The following ASPH variants were observed in gnomAD, a reference collection of about 807,000 sequenced individuals.
ASPH encodes the protein aspartate beta-hydroxylase.
Under a neutral mutation model 118.4 loss-of-function variants are expected in ASPH, and 100 were observed. That is an observed-to-expected ratio of 0.84 (90% CI 0.72 to 1.00). The LOEUF (loss-of-function observed/expected upper bound fraction) is 1.00. ASPH is among the 50% of genes least tolerant of loss of function. The pLI, the probability that ASPH is intolerant of heterozygous loss-of-function variation, is 0.00. For synonymous variants in ASPH, 315 were observed against 325.6 expected, an observed-to-expected ratio of 0.97 and a Z score of 0.35; for missense variants, 920 against 919.5, an observed-to-expected ratio of 1.00 and a Z score of -0.01.
intron 16 of ASPH, among the ~76,000 whole-genome samples, chr8:61,568,374 TG>T (rs1832457669): frequency 6.6e-6 from 1 of 151,890 alleles, no homozygotes; most frequent in African/African-American, 2.4e-5. Flanking sequence ...ATGTAGGGTG[TG>T]AGAAAGGGGG....
At chr8:61,569,144 C>T (rs1832715559) in intron 16 of ASPH, among the ~76,000 whole-genome samples, 1 of 152,096 alleles carries the variant, frequency 6.6e-6, no homozygotes, top group Non-Finnish European at 1.5e-5. Context: ...AAAGTAGCAG[C>T]ATCAGGTGGA....
rs548393585 is a variant in ASPH at position 61,505,960 on chromosome 8, C to T, written c.2127-2451G>A. Among the ~76,000 whole-genome samples, 54 of 152,162 alleles carry T rather than the reference C, an allele frequency of 3.5e-4. No homozygotes were observed. In the South Asian group the frequency reaches 5.2e-3, roughly 15 times the overall value. On this transcript the variant is annotated intron_variant, in intron 24 of 24. Coordinates refer to ENST00000379454, the MANE Select transcript of ASPH (RefSeq NM_004318.4). ...AAGCAATGTCAGTGGGTACCACAAACGAGCCTATAATTTATGTAGAAGATG... is the reference window on the plus strand; with the variant it reads ...AAGCAATGTCAGTGGGTACCACAAATGAGCCTATAATTTATGTAGAAGATG...
chr8:61,664,582 G>A, intron 3 of ASPH: 1 of 986,550 alleles, frequency 1.0e-6, no homozygotes, highest in Non-Finnish European at 1.2e-6. Context: ...GGAGTGAGAA[G>A]CATGCAGGAG....
At chr8:61,565,393 T>C (rs2350618) in intron 17 of ASPH, among the ~76,000 whole-genome samples, 122,971 of 152,098 alleles carry the variant, frequency 0.81, 50,071 homozygotes, top group Non-Finnish European at 0.85. Flanking sequence ...AAGAATTTGG[T>C]ATCACAGGAA....
At chr8:61,610,285 A>T (rs1205163920) in intron 14 of ASPH, among the ~76,000 whole-genome samples, 1 of 152,234 alleles carries the variant, frequency 6.6e-6, no homozygotes, top group Non-Finnish European at 1.5e-5. Context: ...GGTGTCCTAA[A>T]TTATCACATG....
chr8:61,609,758 T>A (rs921509238), intron 14 of ASPH, among the ~76,000 whole-genome samples: 2 of 152,158 alleles, frequency 1.3e-5, no homozygotes, highest in African/African-American at 2.4e-5. Context: ...AAAAGTGCTA[T>A]GGGGAAGAGG....
intron 3 of ASPH, chr8:61,661,824 C>A: frequency 2.6e-6 from 1 of 390,638 alleles, no homozygotes; most frequent in South Asian, 1.1e-4. Flanking sequence ...CTTAAGTAGT[C>A]CTCTGGATTA....
chr8:61,619,920 C>A (rs534725465), intron 13 of ASPH, among the ~76,000 whole-genome samples: 3 of 152,252 alleles, frequency 2.0e-5, no homozygotes, highest in South Asian at 2.1e-4. Flanking sequence ...TGATAAAAAA[C>A]CAGACTCTGT....
Position 61,583,508 on chromosome 8 carries a change from C to T in ASPH, c.1062+436G>A, listed in dbSNP as rs181934359. 149 of 155,164 alleles carry T rather than the reference C, an allele frequency of 9.6e-4. 3 individuals carry two copies. Among genetic ancestry groups the T allele is most frequent in the Non-Finnish European group, 1.4e-3 (98 of 72,482 alleles). The allele number at this position is 155,164 out of a possible 1,614,324, so 9.6% of individuals were successfully genotyped here. On this transcript the variant is annotated intron_variant, in intron 15 of 24. Coordinates refer to ENST00000379454, the MANE Select transcript of ASPH (RefSeq NM_004318.4). ...GAGGTTCCAGTTAGCCGAGACTGTG[C>T]CACTGCACTTCAGCCTGGGTGGAGG...
chr8:61,593,256 CA>C (rs1841669000), intron 14 of ASPH, among the ~76,000 whole-genome samples: 1 of 152,088 alleles, frequency 6.6e-6, no homozygotes, highest in Non-Finnish European at 1.5e-5. Flanking sequence ...GTGTTTGATC[CA>C]AAAATAGCCC....
At position 61,502,242 on chromosome 8, in the gene ASPH, T is replaced by C. The variant is rs986901418; in HGVS notation, c.*1117A>G. ...AGAGAGATGGGACAGTCTTCCAAAC[T>C]CTTTCATCAAAAAGGAAAGTAATCT... On this transcript the variant is annotated 3_prime_UTR_variant, in exon 25 of 25. Coordinates refer to ENST00000379454, the MANE Select transcript of ASPH (RefSeq NM_004318.4). The C allele has an allele frequency of 1.3e-5, 2 of 152,154 alleles. No homozygotes were observed. Among genetic ancestry groups the C allele is most frequent in the Admixed American group, 6.5e-5 (1 of 15,268 alleles). The allele number at this position is 152,154 out of a possible 1,614,324, so 9.4% of individuals were successfully genotyped here.
chr8:61,628,641 AAC>A (rs1172832732), intron 13 of ASPH, among the ~76,000 whole-genome samples: 1 of 152,044 alleles, frequency 6.6e-6, no homozygotes, highest in Non-Finnish European at 1.5e-5. Flanking sequence ...AACACCTGAA[AAC>A]AGCTAAAACT....
chr8:61,705,477 A>C (rs1377678171), intron 1 of ASPH, among the ~76,000 whole-genome samples: 3 of 152,244 alleles, frequency 2.0e-5, no homozygotes, highest in Non-Finnish European at 1.5e-5. Context: ...GACCGTGTAC[A>C]CAACATAAAC....
Position 61,663,601 on chromosome 8 carries a change from C to T in ASPH, c.323-9941G>A, listed in dbSNP as rs898769297. On this transcript the variant is annotated intron_variant, in intron 3 of 24. Coordinates refer to ENST00000379454, the MANE Select transcript of ASPH (RefSeq NM_004318.4). ...GCCCTGTATCTGCCAAACAAAGCAG[C>T]TGTAGAATTCCCTTTTTGGTTTACA... The T allele has an allele frequency of 8.1e-6, 8 of 985,240 alleles. No individual in the cohort carries two copies. In the Admixed American group the frequency reaches 4.3e-4, roughly 53 times the overall value. The allele number at this position is 985,240 out of a possible 1,614,324, so 61.0% of individuals were successfully genotyped here. A position where few individuals can be genotyped will look rare whatever the true frequency, so the allele number is the denominator to read the frequency against.
chr8:61,704,224 A>C (rs976104683), intron 1 of ASPH, among the ~76,000 whole-genome samples: 8 of 142,266 alleles, frequency 5.6e-5, no homozygotes, highest in Admixed American at 2.1e-4. Context: ...AAAAAAAAAA[A>C]AAAAAAAAAC....
At chr8:61,655,988 T>C (rs1393931125) in intron 3 of ASPH, 1 of 152,188 alleles carries the variant, frequency 6.6e-6, no homozygotes, top group Non-Finnish European at 1.5e-5. Flanking sequence ...ATGGAAGAAT[T>C]TGCCGTACAA....
intron 13 of ASPH, among the ~76,000 whole-genome samples, chr8:61,622,357 AC>A (rs1398881759): frequency 6.6e-6 from 1 of 152,148 alleles, no homozygotes; most frequent in Non-Finnish European, 1.5e-5. Flanking sequence ...AAATAAACAA[AC>A]AAAAAACAGA....
chr8:61,562,860 G>A lies in ASPH; in HGVS notation c.1321C>T (p.Leu441Phe), dbSNP rs576597404. The A allele has an allele frequency of 1.9e-6, 3 of 1,605,964 alleles. No homozygotes were observed. The highest frequency in any genetic ancestry group is 2.2e-5 in the South Asian group (2 of 89,034). The change falls in exon 18 of 25, where the codon CTT becomes TTT. Residue 441 changes from leucine (L) to phenylalanine (F), a missense_variant. Physicochemically the swap from Leu to Phe is conservative, Grantham distance 22. Transcript: ENST00000379454. ...QFLGHMRGSL[L>F]TLQRLVQLFP... ...AGTTGAACTAATCTCTGCAGGGTAA[G>A]CAGGGAACCTCTCATATGACCTGAG... is the stretch of plus-strand genomic sequence containing the variant.
intron 14 of ASPH, among the ~76,000 whole-genome samples, chr8:61,587,143 T>C (rs1261005402): frequency 1.3e-5 from 2 of 152,244 alleles, no homozygotes; most frequent in Non-Finnish European, 2.9e-5. Context: ...TCTTCTATTA[T>C]ATTTATTTGA....
Sources: gnomAD v4.1 joint callset for allele counts (sites outside exome capture counted in the v4.1 genomes callset) on GRCh38, gnomAD v4.1.1 for gene constraint, MANE v1.5 for transcripts, NCBI Gene and HGNC (gene_info 2026-07-23, HGNC 2026-07-21) for gene names.